Variants in CDH8 observed in about 807,000 individuals in gnomAD.
CDH8 encodes the protein cadherin-8.
A neutral mutation model predicts 68.1 loss-of-function variants in CDH8; 17 were observed. The observed-to-expected ratio is 0.25, with a 90% CI of 0.17 to 0.37. CDH8 has a LOEUF of 0.37. CDH8 is among the 10% of genes least tolerant of loss of function. CDH8 has a pLI of 1.00. For missense variants in CDH8, 763 were observed against 999.3 expected, an observed-to-expected ratio of 0.76 and a Z score of 3.19; for synonymous variants, 372 against 365.1, an observed-to-expected ratio of 1.02 and a Z score of -0.21.
chr16:61,832,793 C>A (rs1455503332), intron 4 of CDH8, among the ~76,000 whole-genome samples: 2 of 151,554 alleles, frequency 1.3e-5, no homozygotes, highest in Non-Finnish European at 2.9e-5. Flanking sequence ...GAGCCTATTG[C>A]AAATGATTAC....
In CDH8 at chr16:61,981,681, T is replaced by TGTGTGTGCGCGC. The variant is rs747443852; in HGVS notation, c.252+39470_252+39471insGCGCGCACACAC. On this transcript the variant is annotated intron_variant, in intron 2 of 11. Transcript: ENST00000577390. ...GTGTGTGTGTGTGTGTGTGTGTGTG[T>TGTGTGTGCGCGC]GCGCGCGCGCGCGTGCGCTTGGGGC... Among the ~76,000 whole-genome samples the TGTGTGTGCGCGC allele has an allele frequency of 3.3e-3, 465 of 141,814 alleles. 6 individuals are homozygous for TGTGTGTGCGCGC. Among genetic ancestry groups the TGTGTGTGCGCGC allele is most frequent in the African/African-American group, 0.013 (447 of 35,700 alleles). The allele number at this position is 141,814 out of a possible 152,430, so 93.0% of individuals were successfully genotyped here. A position where few individuals can be genotyped will look rare whatever the true frequency, so the allele number is the denominator to read the frequency against.
chr16:61,810,296 G>A (rs1249321923), intron 7 of CDH8, among the ~76,000 whole-genome samples: 1 of 152,074 alleles, frequency 6.6e-6, no homozygotes, highest in Non-Finnish European at 1.5e-5. Context: ...CCATCTACAA[G>A]TTTTCAGCTT....
chr16:61,849,428 G>A (rs1444769961), intron 4 of CDH8, among the ~76,000 whole-genome samples: 3 of 152,106 alleles, frequency 2.0e-5, no homozygotes, highest in African/African-American at 7.2e-5. Flanking sequence ...TTGGCCTTGT[G>A]CCTAATATTT....
At chr16:61,681,081 G>A (rs1252998216) in intron 10 of CDH8, among the ~76,000 whole-genome samples, 1 of 152,030 alleles carries the variant, frequency 6.6e-6, no homozygotes, top group African/African-American at 2.4e-5. Flanking sequence ...TTTCAAGGAT[G>A]TACAATGGGG....
chr16:61,676,796 A>C (rs998756568), intron 10 of CDH8, among the ~76,000 whole-genome samples: 14 of 152,132 alleles, frequency 9.2e-5, no homozygotes, highest in African/African-American at 3.4e-4. Flanking sequence ...AAAATAAAAA[A>C]TACTCATCAA....
intron 6 of CDH8, among the ~76,000 whole-genome samples, chr16:61,818,579 G>C (rs544703259): frequency 1.2e-3 from 183 of 152,256 alleles, no homozygotes; most frequent in Non-Finnish European, 2.1e-3. Flanking sequence ...AACTCTGAGA[G>C]ACTTTGGTCA....
At chr16:61,947,332 G>C (rs1413242318) in intron 2 of CDH8, among the ~76,000 whole-genome samples, 1 of 152,190 alleles carries the variant, frequency 6.6e-6, no homozygotes, top group Non-Finnish European at 1.5e-5. Flanking sequence ...CAAAGAAAAT[G>C]TTGAACATTC....
At chr16:61,695,082 T>C (rs1037591632) in intron 10 of CDH8, among the ~76,000 whole-genome samples, 9 of 151,934 alleles carry the variant, frequency 5.9e-5, no homozygotes, top group African/African-American at 2.2e-4. Flanking sequence ...CCCGGCCTTC[T>C]TCTTCTTCTT....
At position 61,800,696 on chromosome 16, in the gene CDH8, A is replaced by C. The variant is rs189184586; in HGVS notation, c.1278-11214T>G. Among the ~76,000 whole-genome samples the C allele has an allele frequency of 2.6e-5, 4 of 152,270 alleles. No homozygotes were observed. The East Asian group carries it at 7.7e-4, about 29-fold the overall frequency. On this transcript the variant is annotated intron_variant, in intron 7 of 11. Coordinates refer to ENST00000577390, the MANE Select transcript of CDH8 (RefSeq NM_001796.5). ...TCCCCAGCAAGCAGACTTCATACTC[A>C]TGGGGTAGAGCTAATAAACATTTGA...
rs549573031 is a variant in CDH8 at position 61,799,448 on chromosome 16, C to A, written c.1278-9966G>T. On this transcript the variant is annotated intron_variant, in intron 7 of 11. Coordinates refer to ENST00000577390, the MANE Select transcript of CDH8 (RefSeq NM_001796.5). ...TGCTAAGCCCTATATATTAATTTTTCATTTAATCTTTCCTATAATCTAGTG... is the reference window on the plus strand; with the variant it reads ...TGCTAAGCCCTATATATTAATTTTTAATTTAATCTTTCCTATAATCTAGTG... Among the ~76,000 whole-genome samples the A allele has an allele frequency of 4.6e-5, 7 of 152,184 alleles. No individual in the cohort carries two copies. In the South Asian group the frequency reaches 1.5e-3, roughly 32 times the overall value.
chr16:61,763,702 G>C (rs746487078), intron 8 of CDH8, among the ~76,000 whole-genome samples: 11 of 152,084 alleles, frequency 7.2e-5, no homozygotes, highest in African/African-American at 1.2e-4. Context: ...CAGGAAAATA[G>C]CACAATTCAC....
intron 3 of CDH8, among the ~76,000 whole-genome samples, chr16:61,900,305 C>T (rs186139349): frequency 3.9e-5 from 6 of 152,240 alleles, no homozygotes; most frequent in Admixed American, 3.3e-4. Context: ...ACATAGCATG[C>T]ACCCTTATAG....
Position 61,820,844 on chromosome 16 carries a change from G to A in CDH8, c.1023+82C>T, listed in dbSNP as rs1395180782. The A allele has an allele frequency of 5.9e-6, 7 of 1,189,838 alleles. No homozygotes were observed. The South Asian group carries it at 8.4e-5, about 14-fold the overall frequency. The allele number at this position is 1,189,838 out of a possible 1,614,324, so 73.7% of individuals were successfully genotyped here. A position where few individuals can be genotyped will look rare whatever the true frequency, so the allele number is the denominator to read the frequency against. ...CCTACCAGCTGTGCAATTCTGCCAGGAACTCCACACAAGTCCCTCAACTTT... is the reference window on the plus strand; with the variant it reads ...CCTACCAGCTGTGCAATTCTGCCAGAAACTCCACACAAGTCCCTCAACTTT... On this transcript the variant is annotated intron_variant, in intron 6 of 11. Coordinates refer to ENST00000577390, the MANE Select transcript of CDH8 (RefSeq NM_001796.5).
In CDH8 at chr16:61,836,314, A is replaced by T. The variant is rs1185430367; in HGVS notation, c.668-11135T>A. Among the ~76,000 whole-genome samples the T allele has an allele frequency of 3.8e-4, 58 of 152,016 alleles. 1 individual carries two copies. Among genetic ancestry groups the T allele is most frequent in the Admixed American group, 3.8e-3 (58 of 15,226 alleles). On this transcript the variant is annotated intron_variant, in intron 4 of 11. Transcript: ENST00000577390. ...TCTTCACTTCCAGTTGTTGTAAATA[A>T]CCTGGGAAATTTTCTTAACCTCTCT...
chr16:61,873,579 T>C (rs930972304), intron 3 of CDH8, among the ~76,000 whole-genome samples: 1 of 152,246 alleles, frequency 6.6e-6, no homozygotes, highest in African/African-American at 2.4e-5. Context: ...GGTCAACTTA[T>C]GAATTTTTGA....
rs754500633 is a variant in CDH8, at chr16:61,674,361, G to A, written c.1655-18640C>T. Among the ~76,000 whole-genome samples the A allele has an allele frequency of 1.2e-3, 189 of 151,630 alleles. 2 individuals are homozygous for A. Among genetic ancestry groups the A allele is most frequent in the Admixed American group, 7.2e-4 (11 of 15,228 alleles). ...CCCAGCTACTCAGGAGGCTGAGGCA[G>A]GAGAATTGCTTGAACCTGGGAGGCA... On this transcript the variant is annotated intron_variant, in intron 10 of 11. Transcript: ENST00000577390.
chr16:61,790,144 A>G (rs892968511), intron 7 of CDH8, among the ~76,000 whole-genome samples: 1 of 152,062 alleles, frequency 6.6e-6, no homozygotes, highest in Non-Finnish European at 1.5e-5. Flanking sequence ...TTTAAACACT[A>G]CAGTCTACTA....
intron 7 of CDH8, among the ~76,000 whole-genome samples, chr16:61,802,856 T>C (rs1414684993): frequency 8.4e-6 from 1 of 119,558 alleles, no homozygotes; most frequent in Non-Finnish European, 1.7e-5. Flanking sequence ...TACCTGAAAG[T>C]GATAGGGAGA....
At chr16:61,793,165 G>A (rs556429630) in intron 7 of CDH8, among the ~76,000 whole-genome samples, 26 of 152,022 alleles carry the variant, frequency 1.7e-4, no homozygotes, top group African/African-American at 6.3e-4. Context: ...CAACCCAGAA[G>A]AGGGCCCTTA....
Sources: allele counts gnomAD v4.1 joint callset (sites outside exome capture counted in the v4.1 genomes callset), GRCh38; gene constraint gnomAD v4.1.1; transcripts MANE v1.5; gene names NCBI Gene and HGNC (gene_info 2026-07-23, HGNC 2026-07-21).